The following PARN variants were observed in gnomAD, a reference collection of about 807,000 sequenced individuals.
PARN encodes poly(A)-specific ribonuclease PARN.
PARN carries 71 observed loss-of-function variants against 102.8 expected under a neutral mutation model. The ratio of observed to expected loss-of-function variants is 0.69; its 90% CI spans 0.57 to 0.84. The LOEUF (loss-of-function observed/expected upper bound fraction) is 0.84, where lower values mean the gene tolerates loss of function less well. Among genes scored for constraint, PARN ranks in the 40% least tolerant of loss-of-function variants. The pLI is 0.00. For missense variants in PARN, 782 were observed against 760.9 expected (o/e 1.03, Z -0.33); for synonymous variants, 261 against 252.9 (o/e 1.03, Z -0.30).
At chr16:14,629,901 G>C (rs532365914) in intron 1 of PARN, among the ~76,000 whole-genome samples, 6 of 152,234 alleles carry the variant, frequency 3.9e-5, no homozygotes, top group Non-Finnish European at 8.8e-5. Context: ...GATGGTGCCG[G>C]GGTTGGAGGA....
chr16:14,577,254 G>C (rs1969201013), intron 18 of PARN, among the ~76,000 whole-genome samples: 1 of 151,990 alleles, frequency 6.6e-6, no homozygotes, highest in Non-Finnish European at 1.5e-5. Flanking sequence ...TAATGTTGGG[G>C]GCAACTACCA....
At chr16:14,523,978 C>T (rs967238403) in intron 21 of PARN, among the ~76,000 whole-genome samples, 7 of 151,702 alleles carry the variant, frequency 4.6e-5, no homozygotes, top group African/African-American at 1.2e-4. Context: ...GTACTGAATA[C>T]GGTAGGCAAC....
In PARN at chr16:14,627,190, GGGATAA is replaced by G. The variant is rs1567470733; in HGVS notation, c.246-9_246-4del. ...AGTTAAATGACTTCGTTATATACCT[GGGATAA>G]GATAAAAGGAGACTTAGGAGGTGAC... is the stretch of plus-strand genomic sequence containing the variant. On this transcript the variant is annotated splice_region_variant and splice_polypyrimidine_tract_variant and intron_variant, in intron 4 of 23. Coordinates refer to ENST00000437198, the MANE Select transcript of PARN (RefSeq NM_002582.4). 1 of 1,591,468 alleles carries G rather than the reference GGGATAA, an allele frequency of 6.3e-7. No individual in the cohort carries two copies. Among genetic ancestry groups the G allele is most frequent in the Non-Finnish European group, 8.6e-7 (1 of 1,162,578 alleles).
At chr16:14,536,516 G>A (rs144375364) in intron 21 of PARN, among the ~76,000 whole-genome samples, 4 of 152,172 alleles carry the variant, frequency 2.6e-5, no homozygotes, top group African/African-American at 9.6e-5. Context: ...TTATGACTAT[G>A]GCACTAAATA....
chr16:14,614,480 G>T (rs755081910), intron 6 of PARN, among the ~76,000 whole-genome samples: 1 of 152,176 alleles, frequency 6.6e-6, no homozygotes, highest in South Asian at 2.1e-4. Flanking sequence ...AGGCTAAGAT[G>T]CACGCTGTGC....
chr16:14,557,280 C>CAAAAGCTAGTTTACAAATGGAACCAT, intron 18 of PARN, among the ~76,000 whole-genome samples: 1 of 152,020 alleles, frequency 6.6e-6, no homozygotes, highest in East Asian at 1.9e-4. Context: ...CCAAGCAGGG[C>CAAAAGCTAGTTTACAAATGGAACCAT]CAGGCGCGGT....
At chr16:14,511,204 T>C (rs1193591766) in intron 21 of PARN, among the ~76,000 whole-genome samples, 2 of 152,240 alleles carry the variant, frequency 1.3e-5, no homozygotes, top group Non-Finnish European at 2.9e-5. Flanking sequence ...CCTTAAGCAC[T>C]AGCTTGTTTA....
At chr16:14,617,675 T>C (rs773775876) in intron 5 of PARN, 25 bp from the exon 6 acceptor site, 1 of 1,442,984 alleles carries the variant, frequency 6.9e-7, no homozygotes, top group Non-Finnish European at 9.8e-7. Context: ...ACAGAACACA[T>C]GTTTTGGGGA....
At chr16:14,540,958 C>A (rs1966821997) in intron 21 of PARN, among the ~76,000 whole-genome samples, 2 of 151,636 alleles carry the variant, frequency 1.3e-5, no homozygotes, top group Non-Finnish European at 1.5e-5. Context: ...CTTGAAAAAA[C>A]AAACAAAAAA....
intron 21 of PARN, among the ~76,000 whole-genome samples, chr16:14,544,732 A>G (rs1278212364): frequency 6.6e-6 from 1 of 152,236 alleles, no homozygotes; most frequent in Non-Finnish European, 1.5e-5. Flanking sequence ...TCAGAAAGAC[A>G]AAACAATCAT....
At chr16:14,446,849 G>C (rs1250642306) in intron 23 of PARN, 39 bp downstream of exon 23, 3 of 1,490,576 alleles carry the variant, frequency 2.0e-6, no homozygotes, top group Admixed American at 1.8e-5. Flanking sequence ...CATTTAAATA[G>C]TCCACGGCCC....
At chr16:14,575,809 C>T (rs1969096170) in intron 18 of PARN, among the ~76,000 whole-genome samples, 1 of 152,100 alleles carries the variant, frequency 6.6e-6, no homozygotes, top group Non-Finnish European at 1.5e-5. Context: ...GTGTCCCCAC[C>T]CAAATCTCAT....
chr16:14,456,091 C>A (rs1355742237), intron 22 of PARN, among the ~76,000 whole-genome samples: 2 of 152,086 alleles, frequency 1.3e-5, no homozygotes, highest in Non-Finnish European at 2.9e-5. Flanking sequence ...TTCTTGGACT[C>A]TCTATTCTAT....
At chr16:14,629,361 A>G (rs1972883451) in intron 2 of PARN, among the ~76,000 whole-genome samples, 1 of 152,236 alleles carries the variant, frequency 6.6e-6, no homozygotes, top group Non-Finnish European at 1.5e-5. Context: ...TTTAAGCAGC[A>G]TCAAAACCAT....
At chr16:14,523,443 C>A (rs1965842685) in intron 21 of PARN, among the ~76,000 whole-genome samples, 3 of 152,166 alleles carry the variant, frequency 2.0e-5, no homozygotes, top group African/African-American at 7.2e-5. Context: ...CAAGACTCAA[C>A]AGATAGCACA....
At chr16:14,572,443 A>G (rs1968870995) in intron 18 of PARN, among the ~76,000 whole-genome samples, 1 of 152,130 alleles carries the variant, frequency 6.6e-6, no homozygotes, top group Non-Finnish European at 1.5e-5. Context: ...GCACATGCAT[A>G]TTACAAGAAA....
At chr16:14,617,520 G>C (rs962221738) in intron 6 of PARN, 70 bp downstream of exon 6, 36 of 830,268 alleles carry the variant, frequency 4.3e-5, no homozygotes, top group Non-Finnish European at 7.0e-5. Flanking sequence ...TCTCAACCAA[G>C]TTCAGACTTA....
intron 12 of PARN, among the ~76,000 whole-genome samples, chr16:14,593,687 T>G (rs1970338547): frequency 6.6e-6 from 1 of 151,894 alleles, no homozygotes; most frequent in Non-Finnish European, 1.5e-5. Context: ...AAATTTTGAT[T>G]GAAAAGTTTT....
intron 21 of PARN, among the ~76,000 whole-genome samples, chr16:14,530,745 T>A (rs1966279853): frequency 6.6e-6 from 1 of 152,092 alleles, no homozygotes; most frequent in Non-Finnish European, 1.5e-5. Flanking sequence ...TTCTCGGCTA[T>A]CCCAGAATTG....
Sources: allele counts gnomAD v4.1 joint callset (sites outside exome capture counted in the v4.1 genomes callset), GRCh38; gene constraint gnomAD v4.1.1; transcripts MANE v1.5; gene names NCBI Gene and HGNC (gene_info 2026-07-23, HGNC 2026-07-21).